Variants in HS2ST1 observed in about 807,000 individuals in gnomAD.
HS2ST1 encodes 2-O-sulfotransferase.
In HS2ST1, 18 loss-of-function variants were observed where a neutral mutation model predicts 42.9. The ratio of observed to expected loss-of-function variants is 0.42; its 90% CI spans 0.29 to 0.62. HS2ST1 has a LOEUF of 0.62. Among genes scored for constraint, HS2ST1 ranks in the 20% least tolerant of loss-of-function variants. HS2ST1 has a pLI of 0.21. For synonymous variants in HS2ST1, 146 were observed against 152.9 expected, an observed-to-expected ratio of 0.95 and a Z score of 0.33; for missense variants, 334 against 433.8, an observed-to-expected ratio of 0.77 and a Z score of 2.04.
intron 1 of HS2ST1, among the ~76,000 whole-genome samples, chr1:86,941,193 T>C (rs1453946971): frequency 6.6e-6 from 1 of 152,214 alleles, no homozygotes; most frequent in Non-Finnish European, 1.5e-5. Flanking sequence ...TTGCCTGTTT[T>C]CTGGAGACCC....
chr1:86,976,725 A>C (rs1330183208), intron 1 of HS2ST1, among the ~76,000 whole-genome samples: 1 of 24,412 alleles, frequency 4.1e-5, no homozygotes, highest in East Asian at 7.5e-3. Context: ...TATATATTTT[A>C]AATGCCCAGT....
At chr1:86,967,269 AC>A (rs1191708690) in intron 1 of HS2ST1, among the ~76,000 whole-genome samples, 1 of 152,024 alleles carries the variant, frequency 6.6e-6, no homozygotes, top group Non-Finnish European at 1.5e-5. Context: ...TTATTATGTA[AC>A]CATTTGTACT....
intron 1 of HS2ST1, among the ~76,000 whole-genome samples, chr1:86,973,130 T>C (rs1259594339): frequency 6.6e-6 from 1 of 152,158 alleles, no homozygotes; most frequent in Non-Finnish European, 1.5e-5. Context: ...AGTTAATACA[T>C]TTCTTGGGAG....
Position 86,998,742 on chromosome 1 carries a change from A to G in HS2ST1, c.125-74192A>G, listed in dbSNP as rs78173788. On this transcript the variant is annotated intron_variant, in intron 1 of 6. Coordinates refer to ENST00000370550, the MANE Select transcript of HS2ST1 (RefSeq NM_012262.4). ...AAAGCATTTTCTATTGAACTTTTCA[A>G]TGAAATTCAATAAATGTAATATTTT... Among the ~76,000 whole-genome samples, 408 of 152,292 alleles carry G rather than the reference A, an allele frequency of 2.7e-3. 1 individual carries two copies. Among genetic ancestry groups the G allele is most frequent in the African/African-American group, 9.4e-3 (389 of 41,566 alleles).
At chr1:86,967,723 A>G (rs771881476) in intron 1 of HS2ST1, among the ~76,000 whole-genome samples, 4 of 152,202 alleles carry the variant, frequency 2.6e-5, no homozygotes, top group Non-Finnish European at 5.9e-5. Flanking sequence ...GGTTGGTTCC[A>G]TACCTTTGCA....
chr1:87,083,957 G>A (rs936507755), intron 2 of HS2ST1, among the ~76,000 whole-genome samples: 13 of 152,078 alleles, frequency 8.5e-5, no homozygotes, highest in African/African-American at 3.1e-4. Context: ...GGATTTCATT[G>A]TGCCATTTTG....
At chr1:87,077,297 T>G (rs1651570442) in intron 2 of HS2ST1, among the ~76,000 whole-genome samples, 1 of 152,192 alleles carries the variant, frequency 6.6e-6, no homozygotes. Context: ...AGAGGCCCTT[T>G]TTAATCTAGC....
At chr1:87,030,722 T>C (rs1650214327) in intron 1 of HS2ST1, among the ~76,000 whole-genome samples, 1 of 152,204 alleles carries the variant, frequency 6.6e-6, no homozygotes, top group South Asian at 2.1e-4. Context: ...ATGCTTTCTT[T>C]CTACTTTGTC....
At chr1:86,924,725 T>G (rs1660377274) in intron 1 of HS2ST1, among the ~76,000 whole-genome samples, 1 of 152,128 alleles carries the variant, frequency 6.6e-6, no homozygotes, top group Non-Finnish European at 1.5e-5. Context: ...GCCAAGTCCC[T>G]AGGTTGCACA....
intron 5 of HS2ST1, among the ~76,000 whole-genome samples, chr1:87,103,098 A>G (rs1439715265): frequency 6.6e-6 from 1 of 152,246 alleles, no homozygotes; most frequent in Non-Finnish European, 1.5e-5. Flanking sequence ...AATTTAGAGT[A>G]GTTTAAAAAA....
chr1:86,916,331 A>T (rs1322902664), intron 1 of HS2ST1, among the ~76,000 whole-genome samples: 1 of 152,242 alleles, frequency 6.6e-6, no homozygotes, highest in East Asian at 1.9e-4. Flanking sequence ...AAAAACAAAA[A>T]CAAAAAACCC....
chr1:86,987,700 C>G (rs182068029), intron 1 of HS2ST1, among the ~76,000 whole-genome samples: 9 of 152,304 alleles, frequency 5.9e-5, no homozygotes, highest in African/African-American at 1.9e-4. Context: ...ATCTTATCTC[C>G]TGTTAGTCTG....
At chr1:87,038,420 A>C (rs1359045492) in intron 1 of HS2ST1, among the ~76,000 whole-genome samples, 2 of 152,172 alleles carry the variant, frequency 1.3e-5, no homozygotes, top group Non-Finnish European at 2.9e-5. Context: ...TCCAACAAGT[A>C]CATTTAGGGT....
intron 3 of HS2ST1, among the ~76,000 whole-genome samples, chr1:87,087,826 G>A (rs1651850426): frequency 6.6e-6 from 1 of 152,030 alleles, no homozygotes; most frequent in African/African-American, 2.4e-5. Flanking sequence ...TCTTTCTACA[G>A]CATTGATCCT....
intron 3 of HS2ST1, among the ~76,000 whole-genome samples, chr1:87,085,739 T>C (rs1267860622): frequency 1.3e-5 from 2 of 152,248 alleles, no homozygotes; most frequent in Non-Finnish European, 2.9e-5. Flanking sequence ...ATTTATTCTT[T>C]CCACACACAG....
intron 1 of HS2ST1, among the ~76,000 whole-genome samples, chr1:87,054,907 G>A (rs933955660): frequency 2.0e-5 from 3 of 152,142 alleles, no homozygotes; most frequent in African/African-American, 7.2e-5. Context: ...GTAAACAATC[G>A]AGATTTCGTT....
intron 1 of HS2ST1, among the ~76,000 whole-genome samples, chr1:86,968,324 C>T (rs570189183): frequency 5.1e-4 from 77 of 152,214 alleles, no homozygotes; most frequent in African/African-American, 1.9e-3. Flanking sequence ...GTAGGCTTTG[C>T]ATGATATCCA....
At chr1:87,004,228 T>C (rs1464265108) in intron 1 of HS2ST1, among the ~76,000 whole-genome samples, 1 of 152,004 alleles carries the variant, frequency 6.6e-6, no homozygotes, top group Non-Finnish European at 1.5e-5. Context: ...CCATCTCTAC[T>C]ACAAGTAGAA....
intron 1 of HS2ST1, among the ~76,000 whole-genome samples, chr1:86,977,690 G>T (rs1648459326): frequency 6.6e-6 from 1 of 152,164 alleles, no homozygotes. Context: ...AGAAAGCAAG[G>T]CAGTGTCAAA....
Sources: gnomAD v4.1 joint callset for allele counts (sites outside exome capture counted in the v4.1 genomes callset) on GRCh38, gnomAD v4.1.1 for gene constraint, MANE v1.5 for transcripts, NCBI Gene and HGNC (gene_info 2026-07-23, HGNC 2026-07-21) for gene names.